The following MAGI2 variants were observed in gnomAD, a reference collection of about 807,000 sequenced individuals.
The protein encoded by MAGI2 is membrane-associated guanylate kinase, WW and PDZ domain-containing protein 2.
MAGI2 carries 35 observed loss-of-function variants against 133.3 expected under a neutral mutation model. That is an observed-to-expected ratio of 0.26 (90% CI 0.20 to 0.35). The LOEUF (loss-of-function observed/expected upper bound fraction) is 0.35, where lower values mean the gene tolerates loss of function less well. Ranked by LOEUF, MAGI2 falls within the 10% of genes least tolerant of loss-of-function variation. The pLI, the probability that MAGI2 is intolerant of heterozygous loss-of-function variation, is 1.00. For missense variants in MAGI2, 1,636 were observed against 1,863.4 expected (o/e 0.88, Z 2.25); for synonymous variants, 729 against 710.6 (o/e 1.03, Z -0.41).
chr7:78,691,614 C>G (rs917933084), intron 2 of MAGI2, among the ~76,000 whole-genome samples: 8 of 151,994 alleles, frequency 5.3e-5, no homozygotes, highest in African/African-American at 1.7e-4. Flanking sequence ...CTAGGAACTG[C>G]AAGAAGTTTA....
At chr7:78,928,081 A>T (rs1698832557) in intron 2 of MAGI2, among the ~76,000 whole-genome samples, 2 of 151,924 alleles carry the variant, frequency 1.3e-5, no homozygotes, top group South Asian at 4.1e-4. Context: ...TCCCCTGTGG[A>T]CTTTTCTGGC....
chr7:79,031,290 T>C (rs2116814976), intron 1 of MAGI2, among the ~76,000 whole-genome samples: 1 of 151,490 alleles, frequency 6.6e-6, no homozygotes, highest in South Asian at 2.1e-4. Flanking sequence ...TATTTACTTG[T>C]TTATTGTCAT....
intron 2 of MAGI2, among the ~76,000 whole-genome samples, chr7:78,921,010 G>T (rs927660364): frequency 1.3e-5 from 2 of 152,086 alleles, no homozygotes; most frequent in Non-Finnish European, 2.9e-5. Context: ...TTTCCGTCAG[G>T]AATACAGCAT....
At chr7:78,651,643 G>A (rs1231982158) in intron 2 of MAGI2, among the ~76,000 whole-genome samples, 2 of 152,012 alleles carry the variant, frequency 1.3e-5, no homozygotes, top group Non-Finnish European at 2.9e-5. Context: ...AATAGATTAT[G>A]TATATTCTAT....
chr7:78,413,770 C>G (rs1798059290), intron 6 of MAGI2, among the ~76,000 whole-genome samples: 1 of 151,982 alleles, frequency 6.6e-6, no homozygotes, highest in Non-Finnish European at 1.5e-5. Context: ...AATCCTGTCA[C>G]ATGCTACACA....
intron 4 of MAGI2, among the ~76,000 whole-genome samples, chr7:78,504,105 G>A (rs956213538): frequency 2.2e-4 from 33 of 152,290 alleles, no homozygotes; most frequent in African/African-American, 6.3e-4. Flanking sequence ...TGAAGACCTA[G>A]TAAGACCATG....
intron 21 of MAGI2, among the ~76,000 whole-genome samples, chr7:78,075,628 G>T (rs62461180): frequency 1.1e-4 from 17 of 151,958 alleles, no homozygotes; most frequent in Non-Finnish European, 1.8e-4. Context: ...TGCCCACCTC[G>T]GCCTCCCAAA....
At chr7:78,853,533 G>A (rs2151484860) in intron 2 of MAGI2, among the ~76,000 whole-genome samples, 1 of 150,342 alleles carries the variant, frequency 6.7e-6, no homozygotes, top group South Asian at 2.1e-4. Flanking sequence ...TTTTTTAATC[G>A]TTTGTAGAGA....
At chr7:79,409,173 T>C (rs1302891341) in intron 1 of MAGI2, among the ~76,000 whole-genome samples, 2 of 152,100 alleles carry the variant, frequency 1.3e-5, no homozygotes, top group Admixed American at 1.3e-4. Flanking sequence ...AAACAATTAT[T>C]CCTGCAAAGC....
chr7:79,156,811 A>C (rs978420798), intron 1 of MAGI2, among the ~76,000 whole-genome samples: 2 of 152,056 alleles, frequency 1.3e-5, no homozygotes, highest in African/African-American at 4.8e-5. Flanking sequence ...TATTTTACAG[A>C]GTTTGATTAT....
chr7:78,611,810 C>T (rs914304697), intron 3 of MAGI2, among the ~76,000 whole-genome samples: 2 of 152,120 alleles, frequency 1.3e-5, no homozygotes, highest in African/African-American at 2.4e-5. Flanking sequence ...AAGTAGACAT[C>T]CAGCACAAAA....
intron 9 of MAGI2, among the ~76,000 whole-genome samples, chr7:78,274,398 G>A (rs1235350040): frequency 6.6e-6 from 1 of 152,204 alleles, no homozygotes; most frequent in African/African-American, 2.4e-5. Context: ...GTGTCTCCCA[G>A]TCAGGATACA....
chr7:78,123,828 A>T (rs1166295017), intron 20 of MAGI2, among the ~76,000 whole-genome samples: 1 of 152,018 alleles, frequency 6.6e-6, no homozygotes, highest in Non-Finnish European at 1.5e-5. Flanking sequence ...TGGTGACCCC[A>T]CTCCTAGAGT....
intron 14 of MAGI2, among the ~76,000 whole-genome samples, chr7:78,176,290 T>C (rs1201615948): frequency 6.6e-6 from 1 of 152,214 alleles, no homozygotes; most frequent in African/African-American, 2.4e-5. Context: ...CCAATCCTCC[T>C]TGGCAAAAGC....
chr7:79,077,594 A>AAAAAAAAAAAG (rs1815634530), intron 1 of MAGI2, among the ~76,000 whole-genome samples: 4 of 53,602 alleles, frequency 7.5e-5, no homozygotes, highest in Non-Finnish European at 1.5e-4. Flanking sequence ...AAAAAAAAAA[A>AAAAAAAAAAAG]ATAAATAAAT....
At chr7:78,725,128 A>G (rs1294743264) in intron 2 of MAGI2, among the ~76,000 whole-genome samples, 3 of 152,350 alleles carry the variant, frequency 2.0e-5, no homozygotes, top group East Asian at 3.9e-4. Context: ...TTTTATGAAG[A>G]AAAGCTAATT....
intron 2 of MAGI2, among the ~76,000 whole-genome samples, chr7:78,838,787 G>T (rs958699259): frequency 3.9e-5 from 6 of 151,918 alleles, no homozygotes; most frequent in African/African-American, 1.4e-4. Context: ...CAATTAAATA[G>T]TTACAGAATA....
intron 6 of MAGI2, among the ~76,000 whole-genome samples, chr7:78,408,798 A>C (rs768489914): frequency 6.6e-6 from 1 of 152,168 alleles, no homozygotes; most frequent in South Asian, 2.1e-4. Context: ...TTTTGAAATG[A>C]GTTAAATTAG....
intron 1 of MAGI2, among the ~76,000 whole-genome samples, chr7:79,038,378 TTG>T (rs1270922952): frequency 1.3e-5 from 2 of 152,182 alleles, no homozygotes; most frequent in African/African-American, 4.8e-5. Flanking sequence ...ACAAAAAATT[TTG>T]TGTTTTAATC....
Sources: allele counts gnomAD v4.1 joint callset (sites outside exome capture counted in the v4.1 genomes callset), GRCh38; gene constraint gnomAD v4.1.1; transcripts MANE v1.5; gene names NCBI Gene and HGNC (gene_info 2026-07-23, HGNC 2026-07-21).